The following C4orf51 variants were observed in gnomAD, a reference collection of about 807,000 sequenced individuals.
C4orf51 encodes uncharacterized protein C4orf51.
Under a neutral mutation model 25.2 loss-of-function variants are expected in C4orf51, and 25 were observed. The observed-to-expected ratio is 0.99, with a 90% CI of 0.72 to 1.39. The LOEUF is 1.39. Ranked by LOEUF, C4orf51 falls within the 40% of genes most tolerant of loss-of-function variation. The pLI, the probability that C4orf51 is intolerant of heterozygous loss-of-function variation, is 0.00. For missense variants in C4orf51, 252 were observed against 239.6 expected, an observed-to-expected ratio of 1.05 and a Z score of -0.34; for synonymous variants, 100 against 84.5, an observed-to-expected ratio of 1.18 and a Z score of -1.01.
intron 1 of C4orf51, among the ~76,000 whole-genome samples, chr4:145,687,620 T>TA (rs780001368): frequency 1.9e-4 from 29 of 152,246 alleles, no homozygotes; most frequent in Non-Finnish European, 2.5e-4. Context: ...GTGATAACTG[T>TA]AACTGAGCCT....
At chr4:145,721,544 T>C (rs1025052587) in intron 2 of C4orf51, among the ~76,000 whole-genome samples, 1 of 152,182 alleles carries the variant, frequency 6.6e-6, no homozygotes, top group African/African-American at 2.4e-5. Flanking sequence ...GGAATTTTGT[T>C]TTGTTTTCCT....
At chr4:145,684,665 G>T (rs941632119) in intron 1 of C4orf51, among the ~76,000 whole-genome samples, 1 of 152,192 alleles carries the variant, frequency 6.6e-6, no homozygotes, top group Non-Finnish European at 1.5e-5. Context: ...TGTGGTGGGG[G>T]ATGTTGATAG....
chr4:145,693,017 GT>G (rs36157755), intron 1 of C4orf51, among the ~76,000 whole-genome samples: 4,454 of 112,098 alleles, frequency 0.04, 90 homozygotes, highest in Non-Finnish European at 0.062. Flanking sequence ...TTTTTCACCT[GT>G]TTTTTTTTTT....
At position 145,713,497 on chromosome 4, in the gene C4orf51, G is replaced by A. The variant is rs371938021; in HGVS notation, c.308-13414G>A. On this transcript the variant is annotated intron_variant, in intron 2 of 5. Transcript: ENST00000438731. Reference sequence around the variant, plus strand: ...GTGTAAGATGGGATAGAAGTAGCAAGAGAACTAGAATTAGAGGTGGAGCCT... The same window carrying A: ...GTGTAAGATGGGATAGAAGTAGCAAAAGAACTAGAATTAGAGGTGGAGCCT... Among the ~76,000 whole-genome samples, 16 of 152,338 alleles carry A rather than the reference G, an allele frequency of 1.1e-4. No homozygotes were observed. In the East Asian group the frequency reaches 1.9e-3, roughly 18 times the overall value.
rs28431945 is a variant in C4orf51 at position 145,732,641 on chromosome 4, C to T, written c.*81C>T. On this transcript the variant is annotated 3_prime_UTR_variant, in exon 6 of 6. Transcript: ENST00000438731. ...TGAGGTATGGGGCCCTCCCAACACCCTCCCCCCACCCGCCCCGCCCAGGAA... is the reference window on the plus strand; with the variant it reads ...TGAGGTATGGGGCCCTCCCAACACCTTCCCCCCACCCGCCCCGCCCAGGAA... 5,309 of 874,872 alleles carry T rather than the reference C, an allele frequency of 6.1e-3. 170 individuals are homozygous for T. The African/African-American group carries it at 0.073, about 12-fold the overall frequency. 54.2% of individuals were successfully genotyped at this position (874,872 alleles called of 1,614,324 possible).
Position 145,761,081 on chromosome 4 carries a change from G to A in C4orf51, n.167-9907G>A. 7.8e-7 allele frequency: 1 copy of A among 1,289,554 alleles called. No individual in the cohort carries two copies. Among genetic ancestry groups the A allele is most frequent in the Non-Finnish European group, 1.0e-6 (1 of 988,700 alleles). The allele number at this position is 1,289,554 out of a possible 1,614,324, so 79.9% of individuals were successfully genotyped here. A position where few individuals can be genotyped will look rare whatever the true frequency, so the allele number is the denominator to read the frequency against. On this transcript the variant is annotated intron_variant and non_coding_transcript_variant, in intron 1 of 1. Coordinates refer to the C4orf51 transcript ENST00000510096. The surrounding 1 kb of genome is among the most constrained non-coding windows in gnomAD (Gnocchi z 6.8). ...GCCTGGGAGGCAGACATAACTGACA[G>A]GGGAGACAGGAGATTCCGGGAGCTC...
intron 2 of C4orf51, among the ~76,000 whole-genome samples, chr4:145,716,834 G>T (rs1214291988): frequency 6.6e-6 from 1 of 152,160 alleles, no homozygotes; most frequent in East Asian, 1.9e-4. Context: ...ATCTGAGGAG[G>T]GTTTTATGTG....
At chr4:145,777,421 C>T in the C4orf51 span, among the ~76,000 whole-genome samples, 1 of 152,176 alleles carries the variant, frequency 6.6e-6, no homozygotes, top group African/African-American at 2.4e-5. Context: ...ATTTCTGGAC[C>T]TGATGCCTTT....
chr4:145,727,895 G>GTATATATATATATATA (rs35521926), intron 3 of C4orf51, among the ~76,000 whole-genome samples: 5 of 101,638 alleles, frequency 4.9e-5, no homozygotes, highest in African/African-American at 2.0e-4. Flanking sequence ...AAAAAAATGT[G>GTATATATATATATATA]TATATATATA....
At chr4:145,749,897 G>A (rs1357072365) in intron 1 of C4orf51, among the ~76,000 whole-genome samples, 1 of 152,116 alleles carries the variant, frequency 6.6e-6, no homozygotes, top group Non-Finnish European at 1.5e-5. Flanking sequence ...GCCTCCCAAA[G>A]TGCTGGGATT....
rs140787961 is a variant in C4orf51 at position 145,692,413 on chromosome 4, GTTCCTGTAGAAGTCAGGAAA to G, written c.234-4143_234-4124del. The stretch of plus-strand genomic sequence containing the variant: ...ATGTATTAAGAGAAGCAAAGTAGTG[GTTCCTGTAGAAGTCAGGAAA>G]TTGGCCCAGTGACCACCTGTATCAG... On this transcript the variant is annotated intron_variant, in intron 1 of 5. Transcript: ENST00000438731. 7.5e-3 allele frequency among the ~76,000 whole-genome samples: 1,136 copies of G among 152,298 alleles called. 77 individuals carry two copies. In the East Asian group the frequency reaches 0.16, roughly 22 times the overall value.
the C4orf51 span, among the ~76,000 whole-genome samples, chr4:145,778,010 T>G: frequency 1.3e-5 from 2 of 152,158 alleles, no homozygotes; most frequent in Admixed American, 6.5e-5. Context: ...AACTCCACTT[T>G]TTTGAACATG....
At chr4:145,730,038 T>C (rs1732374861) in intron 5 of C4orf51, 73 bp downstream of exon 5, 2 of 1,276,302 alleles carry the variant, frequency 1.6e-6, no homozygotes, top group South Asian at 1.2e-5. Flanking sequence ...TGAGTGTCTC[T>C]ACATGGCAGC....
At chr4:145,776,068 AT>A in the C4orf51 span, 1 of 1,272,684 alleles carries the variant, frequency 7.9e-7, no homozygotes, top group Non-Finnish European at 1.1e-6. Context: ...TTCAAGTCAT[AT>A]TTCAGATGGA....
At chr4:145,733,797 G>A (rs1467574110), downstream of C4orf51, among the ~76,000 whole-genome samples, 1 of 152,128 alleles carries the variant, frequency 6.6e-6, no homozygotes, top group Non-Finnish European at 1.5e-5. Flanking sequence ...TGAAAAGGCA[G>A]CCCTGTAGCC....
chr4:145,680,164 G>A lies in C4orf51; in HGVS notation c.-40G>A, dbSNP rs1315473314. 2 of 1,411,458 alleles carry A rather than the reference G, an allele frequency of 1.4e-6. No homozygotes were observed. Among genetic ancestry groups the A allele is most frequent in the Non-Finnish European group, 2.0e-6 (2 of 996,016 alleles). 87.4% of individuals were successfully genotyped at this position (1,411,458 alleles called of 1,614,324 possible). A position where few individuals can be genotyped will look rare whatever the true frequency, so the allele number is the denominator to read the frequency against. On this transcript the variant is annotated 5_prime_UTR_variant, in exon 1 of 6. Transcript: ENST00000438731. ...GGAAATTAATTCTTCATTATGCAGA[G>A]GACTTGACAAGTTGTTTTCCAGAGA... is the stretch of plus-strand genomic sequence containing the variant.
chr4:145,684,225 G>A (rs567165364), intron 1 of C4orf51, among the ~76,000 whole-genome samples: 3 of 152,278 alleles, frequency 2.0e-5, no homozygotes, highest in South Asian at 4.1e-4. Context: ...GCTCACACCT[G>A]TAATCCCAGC....
At chr4:145,729,468 A>AT (rs536020270) in intron 4 of C4orf51, among the ~76,000 whole-genome samples, 5 of 151,006 alleles carry the variant, frequency 3.3e-5, no homozygotes, top group East Asian at 1.9e-4. Context: ...CACCCGGCTA[A>AT]TTTTTTGTAT....
At chr4:145,740,521 A>C (rs1405586737) in intron 1 of C4orf51, among the ~76,000 whole-genome samples, 1 of 152,182 alleles carries the variant, frequency 6.6e-6, no homozygotes, top group Non-Finnish European at 1.5e-5. Context: ...GGAAAAACCC[A>C]CTTTTAAAGA....
Sources: allele counts gnomAD v4.1 joint callset (sites outside exome capture counted in the v4.1 genomes callset), GRCh38; gene constraint gnomAD v4.1.1; non-coding constraint Gnocchi (gnomAD v3.1); transcripts MANE v1.5; gene names NCBI Gene and HGNC (gene_info 2026-07-23, HGNC 2026-07-21).